PDE3A: variants seen among roughly 807,000 people sequenced by gnomAD.
PDE3A encodes cGMP-inhibited 3',5'-cyclic phosphodiesterase 3A.
A neutral mutation model predicts 98.3 loss-of-function variants in PDE3A; 43 were observed. The observed-to-expected ratio is 0.44, with a 90% CI of 0.34 to 0.56. PDE3A has a LOEUF of 0.56. Ranked by LOEUF, PDE3A falls within the 20% of genes least tolerant of loss-of-function variation. PDE3A has a pLI of 0.01. For missense variants in PDE3A, 1,427 were observed against 1,440.7 expected, an observed-to-expected ratio of 0.99 and a Z score of 0.15; for synonymous variants, 663 against 567.9, an observed-to-expected ratio of 1.17 and a Z score of -2.38.
intron 1 of PDE3A, among the ~76,000 whole-genome samples, chr12:20,550,864 C>T (rs376341370): frequency 1.2e-4 from 18 of 151,686 alleles, no homozygotes; most frequent in East Asian, 7.8e-4. Flanking sequence ...TTTTGTATAC[C>T]GTAATCTATT....
intron 1 of PDE3A, among the ~76,000 whole-genome samples, chr12:20,428,234 A>T (rs1944633541): frequency 1.3e-5 from 2 of 152,168 alleles, no homozygotes; most frequent in Non-Finnish European, 2.9e-5. Context: ...CCAAAACATC[A>T]AAATCCTGAA....
chr12:20,546,289 A>C (rs1942055795), intron 1 of PDE3A, among the ~76,000 whole-genome samples: 1 of 152,092 alleles, frequency 6.6e-6, no homozygotes, highest in Non-Finnish European at 1.5e-5. Flanking sequence ...CCAAATGCAG[A>C]CTTCCACTCT....
intron 2 of PDE3A, among the ~76,000 whole-genome samples, chr12:20,590,071 A>G (rs1444478089): frequency 6.6e-6 from 1 of 151,982 alleles, no homozygotes; most frequent in Admixed American, 6.6e-5. Flanking sequence ...TGATGGACAA[A>G]CCTAGAATAG....
chr12:20,487,150 C>T (rs565208294), intron 1 of PDE3A, among the ~76,000 whole-genome samples: 1,345 of 35,668 alleles, frequency 0.038, 18 homozygotes, highest in African/African-American at 0.054. Flanking sequence ...ATTTGACTGG[C>T]GTAGTGTCTG....
intron 9 of PDE3A, among the ~76,000 whole-genome samples, chr12:20,638,567 T>G (rs1362277818): frequency 6.6e-6 from 1 of 152,074 alleles, no homozygotes; most frequent in Non-Finnish European, 1.5e-5. Flanking sequence ...AGCTGTTCAG[T>G]CCAATTCACC....
At chr12:20,601,335 A>ATGTT (rs1259492994) in intron 2 of PDE3A, among the ~76,000 whole-genome samples, 2 of 152,086 alleles carry the variant, frequency 1.3e-5, no homozygotes, top group Non-Finnish European at 2.9e-5. Flanking sequence ...TAACGTGGAA[A>ATGTT]TGTTTGTATG....
At chr12:20,455,217 T>C (rs945969643) in intron 1 of PDE3A, among the ~76,000 whole-genome samples, 14 of 152,240 alleles carry the variant, frequency 9.2e-5, no homozygotes, top group Admixed American at 8.5e-4. Flanking sequence ...TGCTCAGTCA[T>C]GTTGAGCTTT....
chr12:20,380,597 A>G (rs1943646864), intron 1 of PDE3A, among the ~76,000 whole-genome samples: 1 of 151,830 alleles, frequency 6.6e-6, no homozygotes, highest in South Asian at 2.1e-4. Context: ...TGTTAGGCAG[A>G]TGATCATGAC....
intron 4 of PDE3A, among the ~76,000 whole-genome samples, chr12:20,617,234 A>G (rs1277484015): frequency 6.6e-6 from 1 of 152,180 alleles, no homozygotes; most frequent in East Asian, 1.9e-4. Flanking sequence ...TGGGATATAA[A>G]TAAACCACCA....
intron 2 of PDE3A, among the ~76,000 whole-genome samples, chr12:20,571,190 T>C (rs1037800121): frequency 1.3e-5 from 2 of 152,286 alleles, no homozygotes; most frequent in African/African-American, 2.4e-5. Context: ...GGAGCTTATA[T>C]TGTAAACTGA....
chr12:20,466,502 T>C (rs1026214886), intron 1 of PDE3A, among the ~76,000 whole-genome samples: 8 of 152,208 alleles, frequency 5.3e-5, no homozygotes, highest in African/African-American at 1.9e-4. Flanking sequence ...TATAATGTGA[T>C]ATAATGAGTG....
Position 20,369,276 on chromosome 12 carries a change from C to A in PDE3A, c.-9C>A. On this transcript the variant is annotated 5_prime_UTR_variant, in exon 1 of 16. Transcript: ENST00000359062. Reference sequence around the variant, plus strand: ...CACTGGGAATTCAGTGAAGAGGGCACCCTATACCATGGCAGTGCCCGGCGA... The same window carrying A: ...CACTGGGAATTCAGTGAAGAGGGCAACCTATACCATGGCAGTGCCCGGCGA... The A allele has an allele frequency of 6.6e-7, 1 of 1,505,658 alleles. No homozygotes were observed. The highest frequency in any genetic ancestry group is 1.3e-5 in the South Asian group (1 of 77,086). 93.3% of individuals were successfully genotyped at this position (1,505,658 alleles called of 1,614,324 possible). A position where few individuals can be genotyped will look rare whatever the true frequency, so the allele number is the denominator to read the frequency against.
rs767680377 is a variant in PDE3A, at chr12:20,616,260, T to C, written c.1300T>C (p.Leu434=). 6.2e-7 allele frequency: 1 copy of C among 1,613,794 alleles called. No homozygotes were observed. Among genetic ancestry groups the C allele is most frequent in the Admixed American group, 1.7e-5 (1 of 59,990 alleles). Residue 434 remains leucine, a synonymous_variant, in exon 4 of 16, where the codon TTG becomes CTG. Coordinates refer to ENST00000359062, the MANE Select transcript of PDE3A (RefSeq NM_000921.5). ...RLRRSLPPGL[L]RRVSSTWTTT... ...GAGAAGGAGTTTGCCTCCTGGCTTG[T>C]TGAGACGAGTTTCTTCCACTTGGAC...
chr12:20,450,079 C>T (rs1345644165), intron 1 of PDE3A: 2 of 559,552 alleles, frequency 3.6e-6, no homozygotes, highest in Admixed American at 2.5e-5. Context: ...CATCAGCCTT[C>T]TGCTGGTGCC....
In PDE3A at chr12:20,552,343, G is replaced by A. The variant is rs964583081; in HGVS notation, c.961-4317G>A. On this transcript the variant is annotated intron_variant, in intron 1 of 15. Transcript: ENST00000359062. This position sits in a 1 kb window ranked among gnomAD's most constrained non-coding sequence, Gnocchi z 5.1. Reference sequence around the variant, plus strand: ...ATACTGGCCCGAGAAGGGGAAGTCCGGGTTTCTCGTGTGGCGCTACCTTCT... The same window carrying A: ...ATACTGGCCCGAGAAGGGGAAGTCCAGGTTTCTCGTGTGGCGCTACCTTCT... The A allele has an allele frequency of 3.0e-5, 48 of 1,613,912 alleles. No homozygotes were observed. In the South Asian group the frequency reaches 5.1e-4, roughly 17 times the overall value.
chr12:20,399,929 A>G (rs1446772195), intron 1 of PDE3A, among the ~76,000 whole-genome samples: 1 of 152,256 alleles, frequency 6.6e-6, no homozygotes, highest in Non-Finnish European at 1.5e-5. Flanking sequence ...ATCATTCCAA[A>G]TGAGGCAAAG....
chr12:20,479,881 A>G (rs540032229), intron 1 of PDE3A, among the ~76,000 whole-genome samples: 2 of 152,234 alleles, frequency 1.3e-5, no homozygotes, highest in South Asian at 2.1e-4. Flanking sequence ...TAGCAAAGCA[A>G]TTGGAAGGTA....
At chr12:20,609,661 A>G (rs527437066) in intron 2 of PDE3A, among the ~76,000 whole-genome samples, 2 of 152,142 alleles carry the variant, frequency 1.3e-5, no homozygotes, top group South Asian at 2.1e-4. Flanking sequence ...TTACAAATCT[A>G]TAGTAATCAA....
chr12:20,430,721 T>C (rs1025403377), intron 1 of PDE3A, among the ~76,000 whole-genome samples: 6 of 152,296 alleles, frequency 3.9e-5, no homozygotes, highest in Middle Eastern at 3.4e-3. Flanking sequence ...CTGGTGTGTA[T>C]AGAAGCATTG....
Sources: allele counts gnomAD v4.1 joint callset (sites outside exome capture counted in the v4.1 genomes callset), GRCh38; gene constraint gnomAD v4.1.1; non-coding constraint Gnocchi (gnomAD v3.1); transcripts MANE v1.5; gene names NCBI Gene and HGNC (gene_info 2026-07-23, HGNC 2026-07-21).